Variants in ATP2A1 observed in about 807,000 individuals in gnomAD.
ATP2A1 encodes the protein ATPase sarcoplasmic/endoplasmic reticulum Ca2+ transporting 1, also known as sarcoplasmic/endoplasmic reticulum calcium ATPase 1.
In ATP2A1, 83 loss-of-function variants were observed where a neutral mutation model predicts 109.5. The ratio of observed to expected loss-of-function variants is 0.76; its 90% confidence interval spans 0.63 to 0.91. The LOEUF (loss-of-function observed/expected upper bound fraction) is 0.91. ATP2A1 is among the 40% of genes least tolerant of loss of function. ATP2A1 has a pLI of 0.00. For synonymous variants in ATP2A1, 505 were observed against 537.6 expected (o/e 0.94, Z 0.84); for missense variants, 1,101 against 1,341.0 (o/e 0.82, Z 2.80).
intron 6 of ATP2A1, among the ~76,000 whole-genome samples, chr16:28,885,094 C>T (rs1313569658): frequency 6.6e-6 from 1 of 151,766 alleles, no homozygotes; most frequent in East Asian, 2.0e-4. Context: ...ACAAAAAACA[C>T]AAAAATTAGC....
At chr16:28,879,033 T>C (rs1306999934) in intron 1 of ATP2A1, 66 bp from the exon 2 acceptor site, 1 of 1,606,408 alleles carries the variant, frequency 6.2e-7, no homozygotes, top group Admixed American at 1.7e-5. Context: ...CCACAAAGTC[T>C]TGGGTGTGGG....
At chr16:28,886,597 A>G (rs1442639997) in intron 6 of ATP2A1, among the ~76,000 whole-genome samples, 1 of 152,014 alleles carries the variant, frequency 6.6e-6, no homozygotes, top group African/African-American at 2.4e-5. Context: ...TGCAGTGTAC[A>G]TGTCCTTGTC....
chr16:28,892,477 C>G (rs945923219), intron 9 of ATP2A1: 3 of 186,570 alleles, frequency 1.6e-5, no homozygotes, highest in African/African-American at 7.1e-5. Context: ...CCCACAACAT[C>G]TGCTGCTATT....
At chr16:28,888,719 AG>A in intron 8 of ATP2A1, 67 bp from the exon 9 acceptor site, 1 of 1,562,140 alleles carries the variant, frequency 6.4e-7, no homozygotes, top group Non-Finnish European at 8.8e-7. Context: ...GCTACTATTT[AG>A]CCCCTTGCAG....
chr16:28,879,500 G>A lies in ATP2A1; in HGVS notation c.137-1G>A. On this transcript the variant is annotated splice_acceptor_variant, in intron 2 of 22. Coordinates refer to ENST00000395503, the MANE Select transcript of ATP2A1 (RefSeq NM_004320.6). LOFTEE classifies it high-confidence loss of function. The stretch of plus-strand genomic sequence containing the variant: ...GGCCCTCCCCTTGCCTCCTCCCCCA[G>A]GGAAGACCCTGTGGGAGCTGGTGAT... The A allele has an allele frequency of 1.2e-6, 2 of 1,614,048 alleles. No individual in the cohort carries two copies. Among genetic ancestry groups the A allele is most frequent in the African/African-American group, 2.7e-5 (2 of 75,024 alleles).
At chr16:28,891,271 A>C (rs954322338) in intron 9 of ATP2A1, among the ~76,000 whole-genome samples, 2 of 150,656 alleles carry the variant, frequency 1.3e-5, no homozygotes, top group African/African-American at 4.9e-5. Context: ...ACCCCAGCCT[A>C]GGCGACAAAA....
At chr16:28,891,251 G>A (rs1452712948) in intron 9 of ATP2A1, among the ~76,000 whole-genome samples, 1 of 151,078 alleles carries the variant, frequency 6.6e-6, no homozygotes, top group Non-Finnish European at 1.5e-5. Context: ...AGCTGAGATT[G>A]CGCCATTGCA....
rs1964158607 is a variant in ATP2A1 at position 28,903,639 on chromosome 16, T to A, written c.2981-61T>A. On this transcript the variant is annotated intron_variant, in intron 21 of 22. Transcript: ENST00000395503. This position sits in a 1 kb window ranked among gnomAD's most constrained non-coding sequence, Gnocchi z 5.6. ...CTGCCTCCTCAGCCCCCACAGCCCC[T>A]ATAGCCCCCATGCCACCTCCCTGCC... The A allele has an allele frequency of 1.5e-6, 2 of 1,365,428 alleles. No homozygotes were observed. 84.6% of individuals were successfully genotyped at this position (1,365,428 alleles called of 1,614,324 possible).
Position 28,884,440 on chromosome 16 carries a change from G to A in ATP2A1, c.464-135G>A, listed in dbSNP as rs1007358362. The A allele has an allele frequency of 1.7e-5, 14 of 824,342 alleles. 1 individual carries two copies. The East Asian group carries it at 3.2e-4, about 19-fold the overall frequency. 51.1% of individuals were successfully genotyped at this position (824,342 alleles called of 1,614,324 possible). On this transcript the variant is annotated intron_variant, in intron 5 of 22. Transcript: ENST00000395503. The stretch of plus-strand genomic sequence containing the variant: ...CTTCAGGAGCTCAAGCCAAGGGCCT[G>A]ATGCAAGCCCTGGGAGCCTCCCTGA...
At chr16:28,884,408 T>C (rs1205716971) in intron 5 of ATP2A1, among the ~76,000 whole-genome samples, 167 bp from the exon 6 acceptor site, 1 of 151,952 alleles carries the variant, frequency 6.6e-6, no homozygotes. Context: ...CGATGAGGGG[T>C]TGCCAGCTTC....
In ATP2A1 at chr16:28,881,038, T is replaced by G; in HGVS notation, c.324+19T>G. 6.2e-7 allele frequency: 1 copy of G among 1,607,904 alleles called. No homozygotes were observed. The highest frequency in any genetic ancestry group is 8.5e-7 in the Non-Finnish European group (1 of 1,174,364). Reference sequence around the variant, plus strand: ...TTGGCAGGTTAGCGTTGACCCTTCCTTACCCCTTCATGTCCCAACAGTGAA... The same window carrying G: ...TTGGCAGGTTAGCGTTGACCCTTCCGTACCCCTTCATGTCCCAACAGTGAA... On this transcript the variant is annotated intron_variant, in intron 4 of 22. Coordinates refer to ENST00000395503, the MANE Select transcript of ATP2A1 (RefSeq NM_004320.6).
chr16:28,884,474 G>A, intron 5 of ATP2A1, 101 bp from the exon 6 acceptor site: 1 of 1,177,698 alleles, frequency 8.5e-7, no homozygotes, highest in Non-Finnish European at 1.2e-6. Flanking sequence ...GAGACCTGAA[G>A]GATGGATGAG....
In ATP2A1 at chr16:28,879,108, C is replaced by T. The variant is rs150403167; in HGVS notation, c.128C>T (p.Ala43Val). The change falls in exon 2 of 23, where the codon GCT (alanine) becomes GTT (valine). Residue 43 changes from alanine (A) to valine (V), a missense_variant. Coordinates refer to ENST00000395503, the MANE Select transcript of ATP2A1 (RefSeq NM_004320.6). ...LEKYGLNELP[A>V]EEGKTLWELV... ...TCTTTTTCCTGGGTAGAGCTCCCTG[C>T]TGAGGAAGGTAAGTTACTGGAATCC... 38 of 1,613,954 alleles carry T rather than the reference C, an allele frequency of 2.4e-5. No homozygotes were observed. The African/African-American group carries it at 5.1e-4, about 22-fold the overall frequency.
Position 28,898,526 on chromosome 16 carries a change from C to A in ATP2A1, c.1764+75C>A. 1 of 1,474,914 alleles carries A rather than the reference C, an allele frequency of 6.8e-7. No homozygotes were observed. Among genetic ancestry groups the A allele is most frequent in the Non-Finnish European group, 9.3e-7 (1 of 1,077,002 alleles). The allele number at this position is 1,474,914 out of a possible 1,614,324, so 91.4% of individuals were successfully genotyped here. Reference sequence around the variant, plus strand: ...TCCCAGCCATCCACTCACAGCTCCACCACCCGGATCATTTCCTACCTCGTC... The same window carrying A: ...TCCCAGCCATCCACTCACAGCTCCAACACCCGGATCATTTCCTACCTCGTC... On this transcript the variant is annotated intron_variant, in intron 14 of 22. Transcript: ENST00000395503. This position sits in a 1 kb window ranked among gnomAD's most constrained non-coding sequence, Gnocchi z 4.0.
chr16:28,893,331 G>T (rs191317042), intron 9 of ATP2A1, among the ~76,000 whole-genome samples: 1 of 151,758 alleles, frequency 6.6e-6, no homozygotes, highest in African/African-American at 2.4e-5. Context: ...ACTTGAGCCC[G>T]GGAGGTTGAG....
At position 28,903,358 on chromosome 16, in the gene ATP2A1, G is replaced by A. The variant is rs757113566; in HGVS notation, c.2898G>A (p.Gln966=). The change falls in exon 21 of 23, where the codon CAG becomes CAA. Residue 966 remains glutamine (Q), a synonymous_variant. Coordinates refer to ENST00000395503, the MANE Select transcript of ATP2A1 (RefSeq NM_004320.6). This position sits in a 1 kb window ranked among gnomAD's most constrained non-coding sequence, Gnocchi z 5.6. The stretch of plus-strand genomic sequence containing the variant: ...AGCTCCGGGCCCTGGACCTCACCCA[G>A]TGGCTCATGGTCCTCAAGATCTCAC... The part of the protein sequence containing the change: ...IFKLRALDLT[Q]WLMVLKISLP... The A allele has an allele frequency of 6.2e-7, 1 of 1,613,964 alleles. No homozygotes were observed. Among genetic ancestry groups the A allele is most frequent in the South Asian group, 1.1e-5 (1 of 91,080 alleles).
At position 28,879,121 on chromosome 16, in the gene ATP2A1, G is replaced by GT; in HGVS notation, c.136+7dup. Reference sequence around the variant, plus strand: ...TAGAGCTCCCTGCTGAGGAAGGTAAGTTACTGGAATCCCTGAACTCTCATA... The same window carrying GT: ...TAGAGCTCCCTGCTGAGGAAGGTAAGTTTACTGGAATCCCTGAACTCTCATA... On this transcript the variant is annotated splice_donor_region_variant and intron_variant, in intron 2 of 22. Coordinates refer to ENST00000395503, the MANE Select transcript of ATP2A1 (RefSeq NM_004320.6). 1 of 1,614,030 alleles carries GT rather than the reference G, an allele frequency of 6.2e-7. No homozygotes were observed. Among genetic ancestry groups the GT allele is most frequent in the Non-Finnish European group, 8.5e-7 (1 of 1,179,982 alleles).
intron 9 of ATP2A1, among the ~76,000 whole-genome samples, chr16:28,893,327 G>A (rs912901419): frequency 5.3e-5 from 8 of 151,826 alleles, no homozygotes; most frequent in African/African-American, 1.9e-4. Context: ...GATCACTTGA[G>A]CCCGGGAGGT....
chr16:28,900,566 G>A lies in ATP2A1; in HGVS notation c.1765-15G>A. 6 of 1,547,112 alleles carry A rather than the reference G, an allele frequency of 3.9e-6. No individual in the cohort carries two copies. Among genetic ancestry groups the A allele is most frequent in the Non-Finnish European group, 5.2e-6 (6 of 1,145,448 alleles). On this transcript the variant is annotated splice_polypyrimidine_tract_variant and intron_variant, in intron 14 of 22. Transcript: ENST00000395503. ...ATCCCCACCTGACCTGTGGCTCTCT[G>A]CTGTATCTCCCCAGACGGACCTGAC...
Sources: allele counts gnomAD v4.1 joint callset (sites outside exome capture counted in the v4.1 genomes callset), GRCh38; gene constraint gnomAD v4.1.1; non-coding constraint Gnocchi (gnomAD v3.1); transcripts MANE v1.5; gene names NCBI Gene and HGNC (gene_info 2026-07-23, HGNC 2026-07-21).